CHID1: variants seen among roughly 807,000 people sequenced by gnomAD.
CHID1 encodes chitinase domain-containing protein 1.
CHID1 carries 44 observed loss-of-function variants against 55.4 expected under a neutral mutation model. The observed-to-expected ratio is 0.79, with a 90% CI of 0.62 to 1.02. The LOEUF is 1.02. Ranked by LOEUF, CHID1 falls within the 50% of genes least tolerant of loss-of-function variation. The probability of loss-of-function intolerance (pLI) is 0.00; values close to 1 mark genes in which losing one functional copy is unlikely to be tolerated. For missense variants in CHID1, 491 were observed against 515.3 expected (o/e 0.95, Z 0.46); for synonymous variants, 216 against 212.9 (o/e 1.01, Z -0.13).
intron 2 of CHID1, 67 bp from the exon 3 acceptor site, chr11:903,178 C>T: frequency 6.7e-7 from 1 of 1,498,368 alleles, no homozygotes; most frequent in Non-Finnish European, 9.1e-7. Context: ...AGAGCCCCAC[C>T]CAGCAAGTCC....
rs1455349544 is a variant in CHID1 at position 904,964 on chromosome 11, C to T, written c.-43-105G>A. The T allele has an allele frequency of 2.4e-6, 3 of 1,267,874 alleles. No homozygotes were observed. The African/African-American group carries it at 4.4e-5, about 19-fold the overall frequency. 78.5% of individuals were successfully genotyped at this position (1,267,874 alleles called of 1,614,324 possible). On this transcript the variant is annotated intron_variant, in intron 1 of 12. Transcript: ENST00000323578. ...TTTCTCCTAATAGGGCCTGGGTCCT[C>T]ATGGCACTGGATGGACCCTTGGCCA...
upstream of CHID1, among the ~76,000 whole-genome samples, chr11:912,853 A>G (rs531130053): frequency 3.4e-4 from 51 of 150,876 alleles, 1 homozygote; most frequent in East Asian, 7.4e-3. Context: ...AAAAAAAAAG[A>G]AAAAGAAAAA....
intron 1 of CHID1, chr11:908,757 G>T: frequency 4.2e-6 from 1 of 238,694 alleles, no homozygotes; most frequent in Non-Finnish European, 6.8e-6. Context: ...ACCACTATAG[G>T]GCTGGGTCTC....
intron 8 of CHID1, among the ~76,000 whole-genome samples, chr11:891,388 T>G (rs1450430570): frequency 6.6e-6 from 1 of 152,112 alleles, no homozygotes; most frequent in Non-Finnish European, 1.5e-5. Context: ...ACCAGCGCCA[T>G]GCAAATGGAG....
chr11:896,957 AC>A (rs2134279911), intron 7 of CHID1, among the ~76,000 whole-genome samples: 1 of 60,670 alleles, frequency 1.6e-5, no homozygotes, highest in African/African-American at 7.8e-5. Context: ...CACCCCAGAC[AC>A]AACGAGCCTG....
intron 3 of CHID1, 80 bp downstream of exon 3, chr11:902,882 C>G: frequency 1.4e-6 from 2 of 1,380,170 alleles, no homozygotes; most frequent in Non-Finnish European, 1.0e-6. Context: ...CACTGACTGG[C>G]CAGAAGAGGC....
chr11:873,962 G>C (rs187337669), intron 10 of CHID1, among the ~76,000 whole-genome samples: 1 of 151,778 alleles, frequency 6.6e-6, no homozygotes, highest in East Asian at 1.9e-4. Context: ...CAGGGACAGA[G>C]GTTCGACGCG....
chr11:903,803 T>C (rs1272258038), intron 2 of CHID1: 5 of 191,272 alleles, frequency 2.6e-5, no homozygotes, highest in Admixed American at 6.4e-5. Context: ...GAAAAGAACA[T>C]GCCAGGCACA....
rs149206854 is a variant in CHID1, at chr11:873,209, C to T, written c.960-2710G>A. 6.6e-4 allele frequency among the ~76,000 whole-genome samples: 100 copies of T among 152,092 alleles called. 1 individual carries two copies. The highest frequency in any genetic ancestry group is 2.3e-3 in the African/African-American group (96 of 41,492). On this transcript the variant is annotated intron_variant, in intron 10 of 12. Coordinates refer to ENST00000323578, the MANE Select transcript of CHID1 (RefSeq NM_023947.4). ...GTATAGGGGCGGGGCTGAGTGAGGA[C>T]GGGCAGCTGCAGGCACAGCAGAGGG...
intron 3 of CHID1, 87 bp downstream of exon 3, chr11:902,875 T>A (rs1269590510): frequency 1.6e-6 from 2 of 1,288,696 alleles, no homozygotes; most frequent in Middle Eastern, 2.0e-4. Context: ...CCCCCATCAC[T>A]GACTGGCCAG....
At chr11:914,927 T>C (rs1852858811), upstream of CHID1, 1 of 233,290 alleles carries the variant, frequency 4.3e-6, no homozygotes, top group Non-Finnish European at 8.5e-6. Context: ...CTGTTCTAAC[T>C]AGGAGACCTT....
At chr11:899,965 G>C (rs1311455125) in intron 6 of CHID1, 39 bp downstream of exon 6, 4 of 1,510,772 alleles carry the variant, frequency 2.6e-6, no homozygotes, top group East Asian at 2.3e-5. Flanking sequence ...GGGACCCGGG[G>C]GGCTGTGCTC....
Position 869,869 on chromosome 11 carries a change from CGTA to C in CHID1, c.1168_1170del (p.Tyr390del). ...GCCGCAATGCCCACCTAGAGCAGGT[CGTA>C]GAAGTAGTCCAGGCCCTGGCCCAGC... On this transcript the variant is annotated inframe_deletion, in exon 13 of 13. Coordinates refer to ENST00000323578, the MANE Select transcript of CHID1 (RefSeq NM_023947.4). 1 of 1,613,030 alleles carries C rather than the reference CGTA, an allele frequency of 6.2e-7. No homozygotes were observed.
At chr11:880,885 T>C (rs1301419893) in intron 10 of CHID1, among the ~76,000 whole-genome samples, 3 of 152,170 alleles carry the variant, frequency 2.0e-5, no homozygotes, top group African/African-American at 7.2e-5. Context: ...AAGATTAAGA[T>C]GATTTATAAA....
In CHID1 at chr11:892,131, AAAAG is replaced by A. The variant is rs1025893234; in HGVS notation, c.701+1292_701+1295del. On this transcript the variant is annotated intron_variant, in intron 8 of 12. Coordinates refer to ENST00000323578, the MANE Select transcript of CHID1 (RefSeq NM_023947.4). ...CTCTATCTCAAAAAAAAAGAAAAAG[AAAAG>A]AAAAAGACGCAGCGTGGGGGCCCCA... Among the ~76,000 whole-genome samples the A allele has an allele frequency of 9.9e-5, 15 of 152,192 alleles. 1 individual carries two copies. Among genetic ancestry groups the A allele is most frequent in the Admixed American group, 8.5e-4 (13 of 15,300 alleles).
At chr11:900,282 A>C (rs1478627283) in intron 5 of CHID1, among the ~76,000 whole-genome samples, 172 bp from the exon 6 acceptor site, 1 of 152,152 alleles carries the variant, frequency 6.6e-6, no homozygotes, top group Non-Finnish European at 1.5e-5. Context: ...GATGTCCCAG[A>C]GCCTCACAGG....
intron 11 of CHID1, 46 bp from the exon 12 acceptor site, chr11:870,209 G>C: frequency 6.2e-7 from 1 of 1,611,864 alleles, no homozygotes; most frequent in Non-Finnish European, 8.5e-7. Flanking sequence ...GCTGGTTCCA[G>C]GCCTCCTCCC....
intron 10 of CHID1, among the ~76,000 whole-genome samples, chr11:880,860 A>G (rs1349304908): frequency 6.6e-6 from 1 of 152,244 alleles, no homozygotes; most frequent in Admixed American, 6.5e-5. Flanking sequence ...AAGAAACTCA[A>G]CTGCATCCAG....
At chr11:894,272 G>A (rs891003454) in intron 7 of CHID1, among the ~76,000 whole-genome samples, 7 of 152,110 alleles carry the variant, frequency 4.6e-5, no homozygotes, top group African/African-American at 9.7e-5. Context: ...GCAGGGCACC[G>A]GGCAGGGCAG....
Sources: allele counts gnomAD v4.1 joint callset (sites outside exome capture counted in the v4.1 genomes callset), GRCh38; gene constraint gnomAD v4.1.1; transcripts MANE v1.5; gene names NCBI Gene and HGNC (gene_info 2026-07-23, HGNC 2026-07-21).